Variants in ITFG1 observed in about 807,000 individuals in gnomAD.
ITFG1 encodes the protein integrin alpha FG-GAP repeat containing 1.
In ITFG1, 34 loss-of-function variants were observed where a neutral mutation model predicts 81.8. That is an observed-to-expected ratio of 0.42 (90% CI 0.32 to 0.55). The LOEUF (loss-of-function observed/expected upper bound fraction) is 0.55, where lower values mean the gene tolerates loss of function less well. Ranked by LOEUF, ITFG1 falls within the 20% of genes least tolerant of loss-of-function variation. The pLI, the probability that ITFG1 is intolerant of heterozygous loss-of-function variation, is 0.17. For synonymous variants in ITFG1, 285 were observed against 270.6 expected (o/e 1.05, Z -0.52); for missense variants, 672 against 755.4 (o/e 0.89, Z 1.29).
At chr16:47,435,961 A>C (rs1477327795) in intron 5 of ITFG1, among the ~76,000 whole-genome samples, 2 of 152,110 alleles carry the variant, frequency 1.3e-5, no homozygotes, top group African/African-American at 4.8e-5. Flanking sequence ...GTGGAATATA[A>C]ATATAATTGA....
intron 8 of ITFG1, among the ~76,000 whole-genome samples, chr16:47,350,435 C>G (rs891840541): frequency 4.6e-5 from 7 of 152,192 alleles, no homozygotes; most frequent in African/African-American, 1.7e-4. Context: ...ACTATAAACA[C>G]CTCTACACAA....
At chr16:47,267,602 T>C (rs1596848645) in intron 10 of ITFG1, among the ~76,000 whole-genome samples, 1 of 152,270 alleles carries the variant, frequency 6.6e-6, no homozygotes, top group South Asian at 2.1e-4. Context: ...AACACCAGAA[T>C]ATATAATCTT....
chr16:47,274,342 GC>G (rs1477922575), intron 10 of ITFG1, among the ~76,000 whole-genome samples: 5 of 152,024 alleles, frequency 3.3e-5, no homozygotes, highest in Non-Finnish European at 7.4e-5. Flanking sequence ...TAACAGAATT[GC>G]CCACCTTAAG....
At chr16:47,385,534 GTATAT>G (rs1968450395) in intron 6 of ITFG1, among the ~76,000 whole-genome samples, 1 of 152,104 alleles carries the variant, frequency 6.6e-6, no homozygotes, top group Non-Finnish European at 1.5e-5. Flanking sequence ...AAAATAAAAT[GTATAT>G]TAAAAATATT....
intron 14 of ITFG1, among the ~76,000 whole-genome samples, chr16:47,191,768 G>C (rs1965296352): frequency 6.6e-6 from 1 of 152,080 alleles, no homozygotes; most frequent in Non-Finnish European, 1.5e-5. Flanking sequence ...GGTCACTTTG[G>C]CCTGCCCAAG....
In ITFG1 at chr16:47,430,061, T is replaced by C. The variant is rs1213793214; in HGVS notation, c.561-1163A>G. Among the ~76,000 whole-genome samples, 17 of 149,206 alleles carry C rather than the reference T, an allele frequency of 1.1e-4. No homozygotes were observed. The East Asian group carries it at 3.3e-3, about 29-fold the overall frequency. On this transcript the variant is annotated intron_variant, in intron 5 of 17. Coordinates refer to ENST00000320640, the MANE Select transcript of ITFG1 (RefSeq NM_030790.5). Reference sequence around the variant, plus strand: ...GTGGGTTGTCTTTTTACTTTTCTTTTTTTTTTTTTTTTTTGAATCAGAGTC... The same window carrying C: ...GTGGGTTGTCTTTTTACTTTTCTTTCTTTTTTTTTTTTTTGAATCAGAGTC...
intron 8 of ITFG1, among the ~76,000 whole-genome samples, chr16:47,356,511 G>T (rs1191815340): frequency 6.6e-6 from 1 of 152,144 alleles, no homozygotes; most frequent in East Asian, 1.9e-4. Flanking sequence ...TTGCTACTAG[G>T]GAACCGAACA....
At chr16:47,262,005 G>T (rs1269288633) in intron 10 of ITFG1, among the ~76,000 whole-genome samples, 1 of 152,184 alleles carries the variant, frequency 6.6e-6, no homozygotes, top group Admixed American at 6.5e-5. Flanking sequence ...TCAGTACATA[G>T]AGATTTCTTT....
At chr16:47,266,273 A>C (rs1326454852) in intron 10 of ITFG1, among the ~76,000 whole-genome samples, 1 of 152,166 alleles carries the variant, frequency 6.6e-6, no homozygotes, top group Non-Finnish European at 1.5e-5. Context: ...CCTGGAGTAC[A>C]GTGGCACAAT....
intron 10 of ITFG1, among the ~76,000 whole-genome samples, chr16:47,269,775 GAAACTGAC>G (rs1966317177): frequency 6.6e-6 from 1 of 152,052 alleles, no homozygotes; most frequent in East Asian, 1.9e-4. Context: ...TTCTTTTGCA[GAAACTGAC>G]AAACTGACCC....
intron 5 of ITFG1, among the ~76,000 whole-genome samples, chr16:47,438,774 G>T (rs1318593426): frequency 2.0e-5 from 3 of 152,298 alleles, no homozygotes; most frequent in Non-Finnish European, 4.4e-5. Flanking sequence ...AAAAATCAGA[G>T]CACCTCTCCT....
intron 10 of ITFG1, among the ~76,000 whole-genome samples, chr16:47,273,696 G>A (rs1440453175): frequency 6.6e-6 from 1 of 152,156 alleles, no homozygotes; most frequent in African/African-American, 2.4e-5. Flanking sequence ...ATATAACACT[G>A]TGACTGCTGA....
In ITFG1 at chr16:47,376,015, GCAATA is replaced by G; in HGVS notation, c.656-80_656-76del. The G allele has an allele frequency of 3.9e-6, 3 of 761,112 alleles. No individual in the cohort carries two copies. In the South Asian group the frequency reaches 5.2e-5, roughly 13 times the overall value. 47.1% of individuals were successfully genotyped at this position (761,112 alleles called of 1,614,324 possible). A position where few individuals can be genotyped will look rare whatever the true frequency, so the allele number is the denominator to read the frequency against. ...GTACATTTAAAAACAGAAAAAAAAT[GCAATA>G]CATTAAAAGAATTGACACAATTCTA... On this transcript the variant is annotated intron_variant, in intron 6 of 17. Coordinates refer to ENST00000320640, the MANE Select transcript of ITFG1 (RefSeq NM_030790.5).
At chr16:47,272,087 G>A (rs1966347703) in intron 10 of ITFG1, among the ~76,000 whole-genome samples, 1 of 152,120 alleles carries the variant, frequency 6.6e-6, no homozygotes, top group South Asian at 2.1e-4. Context: ...CAGAAAGAAA[G>A]GAATACTGCT....
At chr16:47,295,435 T>C (rs1966968399) in intron 10 of ITFG1, among the ~76,000 whole-genome samples, 1 of 152,202 alleles carries the variant, frequency 6.6e-6, no homozygotes, top group South Asian at 2.1e-4. Context: ...GTCCACACGG[T>C]CATGCAGCTC....
intron 8 of ITFG1, among the ~76,000 whole-genome samples, chr16:47,333,673 C>G (rs904013892): frequency 6.6e-6 from 1 of 152,156 alleles, no homozygotes; most frequent in African/African-American, 2.4e-5. Flanking sequence ...ATACCAAGAG[C>G]TGTTTGGCTT....
At chr16:47,280,576 G>A (rs1432429814) in intron 10 of ITFG1, among the ~76,000 whole-genome samples, 2 of 152,060 alleles carry the variant, frequency 1.3e-5, no homozygotes, top group Admixed American at 6.6e-5. Flanking sequence ...CTGAGCAATA[G>A]GAGCATCTTT....
intron 14 of ITFG1, among the ~76,000 whole-genome samples, chr16:47,181,571 C>G (rs1432226067): frequency 1.4e-5 from 2 of 147,360 alleles, no homozygotes; most frequent in South Asian, 2.2e-4. Flanking sequence ...TCAGCCCCCC[C>G]GCCCGGCCAG....
intron 8 of ITFG1, among the ~76,000 whole-genome samples, chr16:47,329,500 T>C (rs1967608841): frequency 6.6e-6 from 1 of 152,250 alleles, no homozygotes; most frequent in Non-Finnish European, 1.5e-5. Flanking sequence ...CAGTGTTGCC[T>C]TGGGAAAGTT....
Sources: gnomAD v4.1 joint callset for allele counts (sites outside exome capture counted in the v4.1 genomes callset) on GRCh38, gnomAD v4.1.1 for gene constraint, MANE v1.5 for transcripts, NCBI Gene and HGNC (gene_info 2026-07-23, HGNC 2026-07-21) for gene names.